The following LAMA3 variants were observed in gnomAD, a reference collection of about 807,000 sequenced individuals.
The protein encoded by LAMA3 is laminin subunit alpha-3.
LAMA3 carries 281 observed loss-of-function variants against 402.0 expected under a neutral mutation model. That is an observed-to-expected ratio of 0.70 (90% CI 0.63 to 0.77). The LOEUF (loss-of-function observed/expected upper bound fraction) is 0.77. LAMA3 is among the 30% of genes least tolerant of loss of function. The pLI, the probability that LAMA3 is intolerant of heterozygous loss-of-function variation, is 0.00. For missense variants in LAMA3, 3,840 were observed against 4,215.5 expected (o/e 0.91, Z 2.47); for synonymous variants, 1,431 against 1,558.4 (o/e 0.92, Z 1.93).
chr18:23,776,295 G>A (rs2062317677), intron 10 of LAMA3, among the ~76,000 whole-genome samples: 1 of 152,108 alleles, frequency 6.6e-6, no homozygotes, highest in Non-Finnish European at 1.5e-5. Flanking sequence ...TGTTTCAGGA[G>A]CCCAGGGAAA....
chr18:23,904,498 T>G, intron 50 of LAMA3, 55 bp from the exon 51 acceptor site: 1 of 1,543,284 alleles, frequency 6.5e-7, no homozygotes, highest in Non-Finnish European at 8.8e-7. Context: ...TGGGGGGATG[T>G]CAGCTGCTGG....
chr18:23,921,919 G>A (rs1053060584), intron 62 of LAMA3, among the ~76,000 whole-genome samples: 1 of 152,204 alleles, frequency 6.6e-6, no homozygotes, highest in African/African-American at 2.4e-5. Flanking sequence ...GCATAGGAGA[G>A]CGTGGGCCTC....
intron 8 of LAMA3, among the ~76,000 whole-genome samples, chr18:23,768,149 A>C (rs1349323375): frequency 7.3e-5 from 10 of 136,340 alleles, no homozygotes; most frequent in Admixed American, 2.4e-4. Flanking sequence ...AATTAAACTA[A>C]AGAGCTTCTA....
chr18:23,937,224 G>T (rs1183312757), intron 67 of LAMA3, among the ~76,000 whole-genome samples: 1 of 151,990 alleles, frequency 6.6e-6, no homozygotes, highest in Non-Finnish European at 1.5e-5. Flanking sequence ...AAATTAGCCC[G>T]GCTTGGTGGT....
chr18:23,868,977 A>G (rs768206229), intron 37 of LAMA3, among the ~76,000 whole-genome samples: 2 of 152,248 alleles, frequency 1.3e-5, no homozygotes, highest in Non-Finnish European at 2.9e-5. Context: ...ACAATGGAAT[A>G]CTATCTGGCA....
chr18:23,949,723 G>A (rs765392954), intron 70 of LAMA3, 42 bp from the exon 71 acceptor site: 4 of 1,607,520 alleles, frequency 2.5e-6, no homozygotes, highest in Non-Finnish European at 2.6e-6. Context: ...GCCTTTCTTG[G>A]AGGTGTAGGT....
intron 62 of LAMA3, among the ~76,000 whole-genome samples, chr18:23,921,916 A>G (rs938743307): frequency 6.6e-6 from 1 of 152,212 alleles, no homozygotes; most frequent in Admixed American, 6.5e-5. Context: ...GCTGCATAGG[A>G]GAGCGTGGGC....
rs756747108 is a variant in LAMA3 at position 23,939,259 on chromosome 18, G to T, written c.8899G>T (p.Val2967Leu). The T allele has an allele frequency of 7.4e-6, 12 of 1,614,186 alleles. No individual in the cohort carries two copies. The highest frequency in any genetic ancestry group is 1.1e-5 in the South Asian group (1 of 91,076). The change falls in exon 68 of 75, where the codon GTG becomes TTG. Residue 2967 changes from valine to leucine, a missense_variant. This residue lies in a region of LAMA3 where 840 missense variants were observed against 981.9 expected (regional missense o/e 0.86). Coordinates refer to ENST00000313654, the MANE Select transcript of LAMA3 (RefSeq NM_198129.4). ...QDTPVASPRSVKVWQDACSPL... is the reference protein window; with the variant it reads ...QDTPVASPRSLKVWQDACSPL... ...CACACCAGTGGCCTCCCCAAGGAGCGTGAAGGTGTGGCAAGATGCTTGCTC... is the reference window on the plus strand; with the variant it reads ...CACACCAGTGGCCTCCCCAAGGAGCTTGAAGGTGTGGCAAGATGCTTGCTC...
chr18:23,806,401 A>ATT (rs2062963496), intron 12 of LAMA3, among the ~76,000 whole-genome samples: 1 of 152,046 alleles, frequency 6.6e-6, no homozygotes, highest in Non-Finnish European at 1.5e-5. Context: ...GCTTGCTGGG[A>ATT]TTTGAGTCCA....
At chr18:23,722,246 T>G (rs1196362489) in intron 2 of LAMA3, among the ~76,000 whole-genome samples, 1 of 152,204 alleles carries the variant, frequency 6.6e-6, no homozygotes, top group East Asian at 1.9e-4. Flanking sequence ...ATCTTCTTTC[T>G]GAGATAACTC....
At chr18:23,892,100 C>T (rs1233444439) in intron 42 of LAMA3, among the ~76,000 whole-genome samples, 1 of 152,134 alleles carries the variant, frequency 6.6e-6, no homozygotes, top group East Asian at 1.9e-4. Flanking sequence ...AGAGGAAGCT[C>T]TATTTTAAAT....
At chr18:23,719,960 T>C (rs766177515) in intron 2 of LAMA3, among the ~76,000 whole-genome samples, 4 of 152,242 alleles carry the variant, frequency 2.6e-5, no homozygotes, top group Non-Finnish European at 4.4e-5. Flanking sequence ...TTGTGTAGAC[T>C]ATAAGCTTCA....
chr18:23,763,348 T>G (rs2062011045), intron 7 of LAMA3, 57 bp from the exon 8 acceptor site: 6 of 1,081,632 alleles, frequency 5.5e-6, no homozygotes, highest in Non-Finnish European at 8.6e-6. Context: ...TTTACGCTAT[T>G]TACTAAGCGT....
intron 2 of LAMA3, among the ~76,000 whole-genome samples, chr18:23,718,270 G>C (rs2061145418): frequency 6.6e-6 from 1 of 151,992 alleles, no homozygotes; most frequent in African/African-American, 2.4e-5. Flanking sequence ...TATTCTATGG[G>C]CTCCCTATGT....
chr18:23,817,106 G>C (rs1234817406), intron 18 of LAMA3, among the ~76,000 whole-genome samples: 1 of 152,156 alleles, frequency 6.6e-6, no homozygotes, highest in Non-Finnish European at 1.5e-5. Flanking sequence ...GAAAACTTTG[G>C]AAGTGGGGAA....
intron 11 of LAMA3, among the ~76,000 whole-genome samples, chr18:23,783,123 T>C (rs910040576): frequency 1.3e-5 from 2 of 152,158 alleles, no homozygotes; most frequent in African/African-American, 4.8e-5. Context: ...TATCCCTCTT[T>C]GTGGCCTTTT....
intron 2 of LAMA3, among the ~76,000 whole-genome samples, chr18:23,745,930 C>T (rs1478976114): frequency 1.3e-5 from 2 of 152,128 alleles, no homozygotes; most frequent in Non-Finnish European, 2.9e-5. Flanking sequence ...TTGATGTGGT[C>T]TGAGAGAGAT....
At chr18:23,750,717 A>T (rs113240744) in intron 4 of LAMA3, among the ~76,000 whole-genome samples, 11 of 152,052 alleles carry the variant, frequency 7.2e-5, no homozygotes, top group Admixed American at 2.0e-4. Context: ...GTATTGCCAG[A>T]CCTTGGAACC....
intron 34 of LAMA3, among the ~76,000 whole-genome samples, chr18:23,860,569 A>G (rs2064193904): frequency 6.6e-6 from 1 of 150,522 alleles, no homozygotes; most frequent in African/African-American, 2.4e-5. Flanking sequence ...TTCTTTGGGC[A>G]TTTTTAAAAT....
Sources: gnomAD v4.1 joint callset for allele counts (sites outside exome capture counted in the v4.1 genomes callset) on GRCh38, gnomAD v4.1.1 for gene constraint, gnomAD v4.1.1 regional missense constraint, MANE v1.5 for transcripts, NCBI Gene and HGNC (gene_info 2026-07-23, HGNC 2026-07-21) for gene names.